Variants in THEMIS observed in about 807,000 individuals in gnomAD.
The protein encoded by THEMIS is thymocyte selection associated.
Under a neutral mutation model 52.6 loss-of-function variants are expected in THEMIS, and 37 were observed. The ratio of observed to expected loss-of-function variants is 0.70; its 90% CI spans 0.54 to 0.93. THEMIS has a LOEUF of 0.93. Among genes scored for constraint, THEMIS ranks in the 40% least tolerant of loss-of-function variants. The pLI, the probability that THEMIS is intolerant of heterozygous loss-of-function variation, is 0.00. For synonymous variants in THEMIS, 292 were observed against 272.7 expected, an observed-to-expected ratio of 1.07 and a Z score of -0.70; for missense variants, 808 against 763.1, an observed-to-expected ratio of 1.06 and a Z score of -0.69.
At chr6:127,909,144 C>G (rs1781348995) in intron 1 of THEMIS, among the ~76,000 whole-genome samples, 1 of 151,850 alleles carries the variant, frequency 6.6e-6, no homozygotes, top group Admixed American at 6.6e-5. Flanking sequence ...TTATTTAACC[C>G]AAGTTAGTTT....
intron 4 of THEMIS, among the ~76,000 whole-genome samples, chr6:127,788,740 C>T (rs1469796957): frequency 6.6e-6 from 1 of 152,170 alleles, no homozygotes; most frequent in Non-Finnish European, 1.5e-5. Flanking sequence ...ATAAATTCTA[C>T]TCAGACAAGG....
At chr6:127,811,840 C>T (rs35476985) in intron 4 of THEMIS, among the ~76,000 whole-genome samples, 5,509 of 152,224 alleles carry the variant, frequency 0.036, 132 homozygotes, top group Middle Eastern at 0.061. Context: ...TCTTTCAAAA[C>T]TGTTTGTCTG....
chr6:127,803,933 T>G (rs937578452), intron 4 of THEMIS, among the ~76,000 whole-genome samples: 2 of 152,168 alleles, frequency 1.3e-5, no homozygotes, highest in African/African-American at 4.8e-5. Context: ...TGAACTCTCC[T>G]TAAAAAATGA....
intron 2 of THEMIS, among the ~76,000 whole-genome samples, chr6:127,833,773 G>C (rs1778780803): frequency 6.6e-6 from 1 of 152,120 alleles, no homozygotes; most frequent in African/African-American, 2.4e-5. Flanking sequence ...GGAAACACTG[G>C]ATTTGGGGTA....
intron 4 of THEMIS, among the ~76,000 whole-genome samples, chr6:127,805,629 C>G (rs528037744): frequency 6.6e-6 from 1 of 152,104 alleles, no homozygotes; most frequent in African/African-American, 2.4e-5. Flanking sequence ...TCATAGCCAT[C>G]TTGTGCTCAT....
At chr6:127,740,609 C>T (rs895396483) in intron 4 of THEMIS, among the ~76,000 whole-genome samples, 1 of 151,988 alleles carries the variant, frequency 6.6e-6, no homozygotes, top group Non-Finnish European at 1.5e-5. Flanking sequence ...ATGCTTTGGA[C>T]GACATGAGAA....
rs71028110 is a variant in THEMIS, at chr6:127,862,428, A to ATTTTTTTTTTT, written c.92-7251_92-7241dup. ...GCAGGTGAAATCTCCTAGGGAGTAA[A>ATTTTTTTTTTT]TTTTTTTTTTTTTTTTTTTTTTGCT... On this transcript the variant is annotated intron_variant, in intron 1 of 5. Transcript: ENST00000368248. Among the ~76,000 whole-genome samples, 91 of 72,778 alleles carry ATTTTTTTTTTT rather than the reference A, an allele frequency of 1.3e-3. 9 individuals are homozygous for ATTTTTTTTTTT. Among genetic ancestry groups the ATTTTTTTTTTT allele is most frequent in the Non-Finnish European group, 1.8e-3 (62 of 35,412 alleles). The allele number at this position is 72,778 out of a possible 152,430, so 47.7% of individuals were successfully genotyped here.
intron 1 of THEMIS, among the ~76,000 whole-genome samples, chr6:127,868,156 T>C (rs1780042232): frequency 6.6e-6 from 1 of 152,186 alleles, no homozygotes; most frequent in Admixed American, 6.6e-5. Context: ...TTTTTGAGCA[T>C]CAAATAAAAT....
downstream of THEMIS, among the ~76,000 whole-genome samples, chr6:127,704,510 T>C (rs1248885919): frequency 2.0e-5 from 3 of 152,190 alleles, no homozygotes; most frequent in East Asian, 5.8e-4. Context: ...GCCATGACAT[T>C]TTATCACAGA....
At chr6:127,889,440 A>G (rs1303049453) in intron 1 of THEMIS, among the ~76,000 whole-genome samples, 1 of 152,132 alleles carries the variant, frequency 6.6e-6, no homozygotes, top group Non-Finnish European at 1.5e-5. Context: ...TGTCATACAT[A>G]ATTATCCACA....
intron 1 of THEMIS, among the ~76,000 whole-genome samples, chr6:127,885,684 C>G (rs919487302): frequency 2.6e-5 from 4 of 151,930 alleles, no homozygotes; most frequent in Non-Finnish European, 4.4e-5. Flanking sequence ...TTTAATACAT[C>G]CAAAATACAG....
upstream of THEMIS, among the ~76,000 whole-genome samples, chr6:127,903,274 G>A (rs780042027): frequency 6.6e-6 from 1 of 152,032 alleles, no homozygotes; most frequent in Non-Finnish European, 1.5e-5. Context: ...ATCCTGATGT[G>A]AGCAGCCAAG....
chr6:127,731,402 A>G (rs1295378090), intron 4 of THEMIS, among the ~76,000 whole-genome samples: 1 of 152,018 alleles, frequency 6.6e-6, no homozygotes, highest in East Asian at 1.9e-4. Context: ...AAAAAACAGA[A>G]CTCTCATGCA....
chr6:127,758,724 G>C (rs550947191), intron 4 of THEMIS, among the ~76,000 whole-genome samples: 125 of 152,054 alleles, frequency 8.2e-4, no homozygotes, highest in Middle Eastern at 3.4e-3. Context: ...AAAATGTTTA[G>C]AGTATGTAGA....
intron 4 of THEMIS, among the ~76,000 whole-genome samples, chr6:127,726,996 TA>T (rs1454452511): frequency 6.6e-6 from 1 of 152,194 alleles, no homozygotes; most frequent in Non-Finnish European, 1.5e-5. Flanking sequence ...AAATTCCTTC[TA>T]CTCTCAAAGA....
intron 1 of THEMIS, among the ~76,000 whole-genome samples, chr6:127,876,028 A>G (rs1031884975): frequency 3.3e-5 from 5 of 152,242 alleles, no homozygotes; most frequent in Admixed American, 6.5e-5. Flanking sequence ...CTGACATCCA[A>G]TGTTTTCCTA....
At chr6:127,864,253 G>A (rs1779901828) in intron 1 of THEMIS, among the ~76,000 whole-genome samples, 1 of 151,858 alleles carries the variant, frequency 6.6e-6, no homozygotes, top group Non-Finnish European at 1.5e-5. Context: ...AAAAAAAATT[G>A]GGATTTTTTT....
chr6:127,863,859 T>A (rs912444142), intron 1 of THEMIS, among the ~76,000 whole-genome samples: 7 of 152,188 alleles, frequency 4.6e-5, no homozygotes, highest in Admixed American at 4.6e-4. Flanking sequence ...GCTTTGCCAA[T>A]CAATGGTCAA....
intron 3 of THEMIS, among the ~76,000 whole-genome samples, chr6:127,818,523 A>G (rs1583312849): frequency 6.6e-6 from 1 of 151,906 alleles, no homozygotes; most frequent in East Asian, 2.0e-4. Flanking sequence ...TAAACGTAAT[A>G]TATCAAGTTA....
Sources: gnomAD v4.1 joint callset for allele counts (sites outside exome capture counted in the v4.1 genomes callset) on GRCh38, gnomAD v4.1.1 for gene constraint, MANE v1.5 for transcripts, NCBI Gene and HGNC (gene_info 2026-07-23, HGNC 2026-07-21) for gene names.